SCYL2: variants seen among roughly 807,000 people sequenced by gnomAD.
SCYL2 encodes SCY1 like pseudokinase 2, also known as SCY1-like protein 2.
Under a neutral mutation model 100.4 loss-of-function variants are expected in SCYL2, and 36 were observed. The ratio of observed to expected loss-of-function variants is 0.36; its 90% CI spans 0.27 to 0.47. The LOEUF is 0.47. Among genes scored for constraint, SCYL2 ranks in the 20% least tolerant of loss-of-function variants. The pLI is 1.00. For synonymous variants in SCYL2, 330 were observed against 359.2 expected (o/e 0.92, Z 0.92); for missense variants, 902 against 1,083.9 (o/e 0.83, Z 2.36).
In SCYL2 at chr12:100,312,582, A is replaced by C. The variant is rs1419415384; in HGVS notation, c.781A>C (p.Asn261His). The C allele has an allele frequency of 6.2e-7, 1 of 1,613,144 alleles. No homozygotes were observed. The highest frequency in any genetic ancestry group is 8.5e-7 in the Non-Finnish European group (1 of 1,179,276). ...SLGTVMYAVF[N>H]KGKPIFEVNK... ...AGGAACTGTTATGTATGCTGTATTT[A>C]ATAAAGGGAAACCTATATTTGAAGT... is the stretch of plus-strand genomic sequence containing the variant. Residue 261 changes from asparagine (N) to histidine (H), a missense_variant, in exon 6 of 18, where the codon AAT (asparagine) becomes CAT (histidine). Coordinates refer to ENST00000360820, the MANE Select transcript of SCYL2 (RefSeq NM_017988.6).
At chr12:100,305,716 G>GT (rs144928837) in intron 4 of SCYL2, among the ~76,000 whole-genome samples, 5,152 of 126,760 alleles carry the variant, frequency 0.041, 113 homozygotes, top group South Asian at 0.065. Context: ...CTAGGAGCTG[G>GT]TTTTTTTTTT....
In SCYL2 at chr12:100,293,067, C is replaced by A. The variant is rs185575727; in HGVS notation, c.335+1407C>A. ...CTCAGGCTGATCTTGAACTCTTGGC[C>A]TCAAGTGATCCTCCCTGAGATTACA... On this transcript the variant is annotated intron_variant, in intron 3 of 17. Coordinates refer to ENST00000360820, the MANE Select transcript of SCYL2 (RefSeq NM_017988.6). 3.6e-3 allele frequency among the ~76,000 whole-genome samples: 541 copies of A among 152,232 alleles called. 6 individuals carry two copies. Among genetic ancestry groups the A allele is most frequent in the African/African-American group, 0.012 (498 of 41,526 alleles).
chr12:100,302,197 G>A (rs898011650), intron 4 of SCYL2, among the ~76,000 whole-genome samples: 1 of 152,148 alleles, frequency 6.6e-6, no homozygotes, highest in African/African-American at 2.4e-5. Flanking sequence ...CCCTTTTGTT[G>A]CTGCCAGCTA....
chr12:100,267,589 G>T lies in SCYL2; in HGVS notation c.-232G>T, dbSNP rs1224642734. On this transcript the variant is annotated 5_prime_UTR_variant, in exon 1 of 18. Coordinates refer to ENST00000360820, the MANE Select transcript of SCYL2 (RefSeq NM_017988.6). ...CGGGCGATCGGCGGTCGGCGCCCGC[G>T]CAAAGCGGGGCTGGACGAGCAGCGA... The T allele has an allele frequency of 6.6e-6, 1 of 152,670 alleles. No individual in the cohort carries two copies. Among genetic ancestry groups the T allele is most frequent in the Non-Finnish European group, 1.5e-5 (1 of 68,322 alleles). 9.5% of individuals were successfully genotyped at this position (152,670 alleles called of 1,614,324 possible). A position where few individuals can be genotyped will look rare whatever the true frequency, so the allele number is the denominator to read the frequency against.
At chr12:100,305,587 TAAAAG>T (rs756738399) in intron 4 of SCYL2, among the ~76,000 whole-genome samples, 1 of 151,460 alleles carries the variant, frequency 6.6e-6, no homozygotes, top group African/African-American at 2.4e-5. Context: ...ACGTCACAAT[TAAAAG>T]AAAAGCAAGA....
chr12:100,287,346 C>A (rs995263201), intron 2 of SCYL2, among the ~76,000 whole-genome samples: 1 of 152,096 alleles, frequency 6.6e-6, no homozygotes, highest in African/African-American at 2.4e-5. Context: ...GGTGCAATGA[C>A]TATTCACAGG....
intron 3 of SCYL2, among the ~76,000 whole-genome samples, chr12:100,292,397 A>C (rs947712401): frequency 1.3e-5 from 2 of 152,184 alleles, no homozygotes; most frequent in South Asian, 4.1e-4. Flanking sequence ...ATTTTTAAGG[A>C]TAGGGGAAGA....
chr12:100,300,191 C>T (rs890976932), intron 4 of SCYL2, among the ~76,000 whole-genome samples: 2 of 152,092 alleles, frequency 1.3e-5, no homozygotes, highest in African/African-American at 4.8e-5. Flanking sequence ...ATACTTTGCC[C>T]ATTTTTTTGA....
rs183943819 is a variant in SCYL2, at chr12:100,297,797, C to A, written c.336-234C>A. Among the ~76,000 whole-genome samples, 10 of 151,828 alleles carry A rather than the reference C, an allele frequency of 6.6e-5. No homozygotes were observed. In the South Asian group the frequency reaches 2.1e-3, roughly 32 times the overall value. On this transcript the variant is annotated intron_variant, in intron 3 of 17. Coordinates refer to ENST00000360820, the MANE Select transcript of SCYL2 (RefSeq NM_017988.6). ...TCACTTTTTAAGTTTTAAAAAAGAT[C>A]GCAGTTATCACAACACTTAGTTTAA...
At chr12:100,299,563 T>G (rs2096325093) in intron 4 of SCYL2, among the ~76,000 whole-genome samples, 1 of 152,204 alleles carries the variant, frequency 6.6e-6, no homozygotes, top group Non-Finnish European at 1.5e-5. Context: ...ACTGACCTGC[T>G]TTCTATCACT....
chr12:100,315,338 G>A (rs569402950), intron 8 of SCYL2, among the ~76,000 whole-genome samples: 12 of 152,252 alleles, frequency 7.9e-5, no homozygotes, highest in South Asian at 4.1e-4. Flanking sequence ...TAGGGTGACC[G>A]TGTGTCCCCT....
At chr12:100,326,565 T>G in intron 11 of SCYL2, 57 bp from the exon 12 acceptor site, 11 of 1,274,962 alleles carry the variant, frequency 8.6e-6, no homozygotes, top group Non-Finnish European at 1.2e-5. Context: ...CACTTAAATA[T>G]TTTGTTCTAG....
At chr12:100,268,655 A>T (rs1372614342) in intron 1 of SCYL2, among the ~76,000 whole-genome samples, 1 of 152,212 alleles carries the variant, frequency 6.6e-6, no homozygotes, top group African/African-American at 2.4e-5. Context: ...AAATAAATAC[A>T]GGCACATTGT....
Position 100,283,999 on chromosome 12 carries a change from T to A in SCYL2, c.177+852T>A, listed in dbSNP as rs150710897. Reference sequence around the variant, plus strand: ...TTCACCATAAGCTCATCCAAAAAAGTAAATGGTTTCTTGAGTATTGACTAC... The same window carrying A: ...TTCACCATAAGCTCATCCAAAAAAGAAAATGGTTTCTTGAGTATTGACTAC... On this transcript the variant is annotated intron_variant, in intron 2 of 17. Transcript: ENST00000360820. Among the ~76,000 whole-genome samples the A allele has an allele frequency of 1.9e-3, 291 of 152,316 alleles. 6 individuals are homozygous for A. The highest frequency in any genetic ancestry group is 6.8e-3 in the African/African-American group (283 of 41,566).
chr12:100,297,285 A>C (rs2096322042), intron 3 of SCYL2, among the ~76,000 whole-genome samples: 1 of 152,168 alleles, frequency 6.6e-6, no homozygotes, highest in Non-Finnish European at 1.5e-5. Context: ...GGGTGAAGTG[A>C]GGTTCAGAAC....
chr12:100,293,344 G>A (rs955496112), intron 3 of SCYL2, among the ~76,000 whole-genome samples: 1 of 152,094 alleles, frequency 6.6e-6, no homozygotes, highest in Non-Finnish European at 1.5e-5. Context: ...TGTCTGTTAT[G>A]TAATACTATT....
intron 3 of SCYL2, among the ~76,000 whole-genome samples, chr12:100,295,956 A>G (rs1411836003): frequency 6.6e-6 from 1 of 152,190 alleles, no homozygotes; most frequent in Non-Finnish European, 1.5e-5. Context: ...GCCCCAGGCC[A>G]GGGCCGACAC....
intron 12 of SCYL2, chr12:100,327,249 C>T: frequency 3.1e-6 from 1 of 327,530 alleles, no homozygotes; most frequent in Non-Finnish European, 6.2e-6. Context: ...GTGATAGGAG[C>T]TGGTTTTCTA....
chr12:100,298,596 C>CT (rs1186210217), intron 4 of SCYL2, among the ~76,000 whole-genome samples: 1 of 152,034 alleles, frequency 6.6e-6, no homozygotes, highest in Non-Finnish European at 1.5e-5. Flanking sequence ...GTTGCCCAGG[C>CT]TGGAGTGCAA....
Sources: allele counts gnomAD v4.1 joint callset (sites outside exome capture counted in the v4.1 genomes callset), GRCh38; gene constraint gnomAD v4.1.1; transcripts MANE v1.5; gene names NCBI Gene and HGNC (gene_info 2026-07-23, HGNC 2026-07-21).